Variants in SLC26A7 observed in about 807,000 individuals in gnomAD.
SLC26A7 encodes the protein solute carrier family 26 member 7, also known as anion exchange transporter.
SLC26A7 carries 59 observed loss-of-function variants against 82.5 expected under a neutral mutation model. The observed-to-expected ratio is 0.72, with a 90% CI of 0.58 to 0.89. The LOEUF (loss-of-function observed/expected upper bound fraction) is 0.89, where lower values mean the gene tolerates loss of function less well. Ranked by LOEUF, SLC26A7 falls within the 40% of genes least tolerant of loss-of-function variation. The pLI is 0.00. For missense variants in SLC26A7, 820 were observed against 793.0 expected, an observed-to-expected ratio of 1.03 and a Z score of -0.41; for synonymous variants, 271 against 274.3, an observed-to-expected ratio of 0.99 and a Z score of 0.12.
intron 15 of SLC26A7, among the ~76,000 whole-genome samples, chr8:91,371,002 G>T (rs1814343998): frequency 6.6e-6 from 1 of 151,756 alleles, no homozygotes; most frequent in Admixed American, 6.6e-5. Flanking sequence ...AATAATTTTA[G>T]TTACAAATGT....
In SLC26A7 at chr8:91,331,872, A is replaced by G. The variant is rs568967608; in HGVS notation, c.643-2423A>G. Reference sequence around the variant, plus strand: ...GATAAAAGAAAGAATGCTTTCTTATAGTTTGAATTTACATCTCTTTGATTA... The same window carrying G: ...GATAAAAGAAAGAATGCTTTCTTATGGTTTGAATTTACATCTCTTTGATTA... On this transcript the variant is annotated intron_variant, in intron 5 of 18. Transcript: ENST00000276609. 3.9e-5 allele frequency among the ~76,000 whole-genome samples: 6 copies of G among 152,164 alleles called. No homozygotes were observed. The South Asian group carries it at 1.0e-3, about 26-fold the overall frequency.
chr8:91,290,885 C>A (rs1450495780), intron 3 of SLC26A7, among the ~76,000 whole-genome samples: 1 of 152,172 alleles, frequency 6.6e-6, no homozygotes, highest in Non-Finnish European at 1.5e-5. Flanking sequence ...CAATCACTTA[C>A]AACATTTCTG....
intron 13 of SLC26A7, among the ~76,000 whole-genome samples, chr8:91,364,289 T>C (rs1030507440): frequency 2.0e-5 from 3 of 152,156 alleles, no homozygotes; most frequent in Non-Finnish European, 4.4e-5. Flanking sequence ...ATACACTTGG[T>C]TTCAGTATCT....
At chr8:91,259,498 T>C (rs1197585329) in intron 2 of SLC26A7, among the ~76,000 whole-genome samples, 7 of 152,108 alleles carry the variant, frequency 4.6e-5, no homozygotes, top group Non-Finnish European at 7.4e-5. Context: ...TGGCTATAAA[T>C]TGCCAACTTT....
chr8:91,359,375 A>C (rs1586451655), intron 11 of SLC26A7, among the ~76,000 whole-genome samples: 1 of 152,328 alleles, frequency 6.6e-6, no homozygotes, highest in East Asian at 1.9e-4. Flanking sequence ...CAACTGAAGG[A>C]GAACATTGGA....
chr8:91,269,487 T>G (rs1299826250), intron 2 of SLC26A7, among the ~76,000 whole-genome samples: 1 of 152,122 alleles, frequency 6.6e-6, no homozygotes. Flanking sequence ...GCTAATAAAT[T>G]TTTTGAAAGC....
intron 2 of SLC26A7, among the ~76,000 whole-genome samples, chr8:91,268,079 C>T (rs1811162646): frequency 6.6e-6 from 1 of 151,728 alleles, no homozygotes; most frequent in Non-Finnish European, 1.5e-5. Flanking sequence ...ACACTGACTT[C>T]TATTTTTATT....
rs146878317 is a variant in SLC26A7, at chr8:91,250,057, T to G, written c.193+213T>G. 5.9e-3 allele frequency among the ~76,000 whole-genome samples: 901 copies of G among 152,302 alleles called. 8 individuals are homozygous for G. The highest frequency in any genetic ancestry group is 0.037 in the South Asian group (179 of 4,824). On this transcript the variant is annotated intron_variant, in intron 2 of 18. Coordinates refer to ENST00000276609, the MANE Select transcript of SLC26A7 (RefSeq NM_052832.4). ...AGCTATTAAGCATTGAATAAACTTT[T>G]GAATGACATTACATTTTTTCACTGT... is the stretch of plus-strand genomic sequence containing the variant.
chr8:91,257,581 G>A (rs1249857592), intron 2 of SLC26A7, among the ~76,000 whole-genome samples: 1 of 151,772 alleles, frequency 6.6e-6, no homozygotes, highest in Non-Finnish European at 1.5e-5. Context: ...GCCTCAGACA[G>A]CATAGTTTCT....
At chr8:91,347,832 G>A (rs1222178834) in intron 9 of SLC26A7, among the ~76,000 whole-genome samples, 4 of 152,182 alleles carry the variant, frequency 2.6e-5, no homozygotes, top group Non-Finnish European at 5.9e-5. Context: ...TCTAAGAAAG[G>A]TCTTTAGGGG....
chr8:91,360,191 G>A (rs1205317593), intron 11 of SLC26A7, among the ~76,000 whole-genome samples: 1 of 152,150 alleles, frequency 6.6e-6, no homozygotes, highest in Admixed American at 6.5e-5. Flanking sequence ...TAGTACAACA[G>A]ATAGGCTGGG....
At chr8:91,344,599 T>C (rs537160307) in intron 9 of SLC26A7, among the ~76,000 whole-genome samples, 72 of 152,282 alleles carry the variant, frequency 4.7e-4, no homozygotes, top group African/African-American at 1.6e-3. Context: ...AACTAGCTAA[T>C]CAAGTTCATA....
chr8:91,367,940 G>T (rs182712286), intron 14 of SLC26A7, among the ~76,000 whole-genome samples: 43 of 152,194 alleles, frequency 2.8e-4, no homozygotes, highest in African/African-American at 9.9e-4. Context: ...TTCTGCCTTT[G>T]GGCCTTACCC....
chr8:91,260,401 T>C (rs780153426), intron 2 of SLC26A7, among the ~76,000 whole-genome samples: 3 of 152,036 alleles, frequency 2.0e-5, no homozygotes, highest in Admixed American at 6.6e-5. Flanking sequence ...AGATTACAAT[T>C]TGAGATGAGA....
intron 4 of SLC26A7, among the ~76,000 whole-genome samples, chr8:91,302,936 C>T (rs890923734): frequency 4.2e-4 from 63 of 151,284 alleles, no homozygotes; most frequent in African/African-American, 1.0e-3. Flanking sequence ...AGGACTCATG[C>T]AATTTCTGAC....
chr8:91,270,976 CTT>C (rs1393923042), intron 2 of SLC26A7, among the ~76,000 whole-genome samples: 1 of 152,202 alleles, frequency 6.6e-6, no homozygotes, highest in African/African-American at 2.4e-5. Flanking sequence ...GATAATGGCT[CTT>C]CTCTGTCAAG....
intron 14 of SLC26A7, among the ~76,000 whole-genome samples, chr8:91,368,702 C>T (rs1384153149): frequency 3.9e-5 from 6 of 152,142 alleles, no homozygotes; most frequent in South Asian, 2.1e-4. Context: ...GGATTACAGG[C>T]GTGAGCCACC....
chr8:91,379,894 A>G (rs981547564), intron 15 of SLC26A7, among the ~76,000 whole-genome samples: 3 of 152,122 alleles, frequency 2.0e-5, no homozygotes, highest in Admixed American at 6.5e-5. Context: ...GATGTAACTT[A>G]TAAAATGCAG....
intron 5 of SLC26A7, among the ~76,000 whole-genome samples, chr8:91,324,667 G>C (rs1563679764): frequency 1.3e-5 from 2 of 152,104 alleles, no homozygotes; most frequent in South Asian, 2.1e-4. Context: ...CACTGAGGAG[G>C]GACGCAAAGT....
Sources: allele counts gnomAD v4.1 joint callset (sites outside exome capture counted in the v4.1 genomes callset), GRCh38; gene constraint gnomAD v4.1.1; transcripts MANE v1.5; gene names NCBI Gene and HGNC (gene_info 2026-07-23, HGNC 2026-07-21).